The following SELENBP1 variants were observed in gnomAD, a reference collection of about 807,000 sequenced individuals.
The protein encoded by SELENBP1 is methanethiol oxidase.
Under a neutral mutation model 61.0 loss-of-function variants are expected in SELENBP1, and 71 were observed. That is an observed-to-expected ratio of 1.16 (90% CI 0.96 to 1.42). The LOEUF is 1.42. Among genes scored for constraint, SELENBP1 ranks in the 40% most tolerant of loss-of-function variants. SELENBP1 has a pLI of 0.00. For synonymous variants in SELENBP1, 270 were observed against 238.9 expected (o/e 1.13, Z -1.20); for missense variants, 561 against 605.0 (o/e 0.93, Z 0.76).
At chr1:151,367,919 G>A (rs538875180) in intron 5 of SELENBP1, among the ~76,000 whole-genome samples, 16 of 152,272 alleles carry the variant, frequency 1.1e-4, no homozygotes, top group African/African-American at 1.7e-4. Context: ...CGCTGGCCTC[G>A]GCCTCTTGAA....
chr1:151,367,805 G>A (rs1035671246), intron 5 of SELENBP1, among the ~76,000 whole-genome samples: 2 of 152,118 alleles, frequency 1.3e-5, no homozygotes, highest in Non-Finnish European at 2.9e-5. Context: ...TGTATTTTTA[G>A]TGCAGAGTTG....
In SELENBP1 at chr1:151,366,813, C is replaced by A; in HGVS notation, c.573G>T (p.Trp191Cys). The change falls in exon 6 of 12, where the codon TGG (tryptophan) becomes TGT (cysteine). Residue 191 changes from tryptophan (W) to cysteine (C), a missense_variant. Transcript: ENST00000368868. ...TCATGACATTGTGTCGAGGCTGGTA[C>A]CAGAAGTCATAGCCCAACGGTGCAG... ...GGAAPLGYDF[W>C]YQPRHNVMIS... 1 of 1,614,110 alleles carries A rather than the reference C, an allele frequency of 6.2e-7. No homozygotes were observed. The highest frequency in any genetic ancestry group is 8.5e-7 in the Non-Finnish European group (1 of 1,180,012).
chr1:151,366,066 C>T (rs1651798119), intron 7 of SELENBP1: 4 of 738,788 alleles, frequency 5.4e-6, no homozygotes, highest in South Asian at 5.3e-5. Context: ...CTAGCACAGA[C>T]ATTCACTAAG....
At chr1:151,364,829 T>C (rs1557841915) in intron 11 of SELENBP1, 97 bp downstream of exon 11, 1 of 1,484,144 alleles carries the variant, frequency 6.7e-7, no homozygotes, top group East Asian at 2.3e-5. Context: ...ATCTGTGTGG[T>C]GGGGTACAGG....
chr1:151,369,633 G>T (rs1191911372), intron 2 of SELENBP1, 79 bp from the exon 3 acceptor site: 11 of 1,546,300 alleles, frequency 7.1e-6, no homozygotes, highest in Admixed American at 2.0e-5. Context: ...GCCAGAGGGT[G>T]GGGGCTAGGT....
At chr1:151,369,884 C>A in intron 1 of SELENBP1, 115 bp from the exon 2 acceptor site, 1 of 1,550,316 alleles carries the variant, frequency 6.5e-7, no homozygotes, top group Non-Finnish European at 8.7e-7. Context: ...GGCCTAGGTC[C>A]CCACTCCAGC....
chr1:151,365,687 G>C lies in SELENBP1; in HGVS notation c.923-3C>G. 6.2e-7 allele frequency: 1 copy of C among 1,614,202 alleles called. No individual in the cohort carries two copies. The highest frequency in any genetic ancestry group is 8.5e-7 in the Non-Finnish European group (1 of 1,180,032). Reference sequence around the variant, plus strand: ...GAGCAGGATGTCGGTGATCAGGCCTGTGGGCAGGGGGCGAGTAGAGCCTTT... The same window carrying C: ...GAGCAGGATGTCGGTGATCAGGCCTCTGGGCAGGGGGCGAGTAGAGCCTTT... On this transcript the variant is annotated splice_polypyrimidine_tract_variant and splice_region_variant and intron_variant, in intron 8 of 11. Transcript: ENST00000368868.
In SELENBP1 at chr1:151,369,153, C is replaced by T. The variant is rs137966264; in HGVS notation, c.211G>A (p.Glu71Lys). 74 of 1,613,102 alleles carry T rather than the reference C, an allele frequency of 4.6e-5. No individual in the cohort carries two copies. The highest frequency in any genetic ancestry group is 9.3e-5 in the African/African-American group (7 of 74,920). Residue 71 changes from glutamate to lysine, a missense_variant, in exon 4 of 12, where the codon GAG (glutamate) becomes AAG (lysine). Coordinates refer to ENST00000368868, the MANE Select transcript of SELENBP1 (RefSeq NM_003944.4). ...GTGTTCCATCCTGAGTGATGCAGCTCGTCCTTCAGGTTGGGCATGGGCAGC... is the reference window on the plus strand; with the variant it reads ...GTGTTCCATCCTGAGTGATGCAGCTTGTCCTTCAGGTTGGGCATGGGCAGC... ...HRLPMPNLKDELHHSGWNTCS... is the reference protein window; with the variant it reads ...HRLPMPNLKDKLHHSGWNTCS...
intron 5 of SELENBP1, 49 bp from the exon 6 acceptor site, chr1:151,366,953 A>G: frequency 6.3e-7 from 1 of 1,592,890 alleles, no homozygotes; most frequent in Non-Finnish European, 8.6e-7. Context: ...TAGAGACACT[A>G]ACCCCACCCT....
Position 151,364,484 on chromosome 1 carries a change from G to C in SELENBP1, c.*59C>G, listed in dbSNP as rs1651687329. ...GGGTGCCAAGAGAGAGCAGAATGAA[G>C]CCAGGTCCCCAAGGAAGTGAGGGCC... On this transcript the variant is annotated 3_prime_UTR_variant, in exon 12 of 12. Coordinates refer to ENST00000368868, the MANE Select transcript of SELENBP1 (RefSeq NM_003944.4). 1.2e-6 allele frequency: 2 copies of C among 1,606,086 alleles called. No homozygotes were observed. The highest frequency in any genetic ancestry group is 1.7e-6 in the Non-Finnish European group (2 of 1,174,302).
chr1:151,367,943 A>G (rs1651940652), intron 5 of SELENBP1, among the ~76,000 whole-genome samples: 1 of 152,226 alleles, frequency 6.6e-6, no homozygotes, highest in African/African-American at 2.4e-5. Context: ...CTGGGATTAG[A>G]GGAGTGAGGC....
At chr1:151,372,330 C>T (rs1360889206) in intron 1 of SELENBP1, among the ~76,000 whole-genome samples, 2 of 152,184 alleles carry the variant, frequency 1.3e-5, no homozygotes, top group African/African-American at 4.8e-5. Context: ...TTTCTAAGAG[C>T]GCCCATCTGA....
intron 11 of SELENBP1, 93 bp downstream of exon 11, chr1:151,364,833 G>C: frequency 6.7e-7 from 1 of 1,498,316 alleles, no homozygotes. Context: ...GTGTGGTGGG[G>C]TACAGGGGTC....
chr1:151,369,150 G>A lies in SELENBP1; in HGVS notation c.214C>T (p.Leu72=), dbSNP rs1301084910. 7 of 1,613,372 alleles carry A rather than the reference G, an allele frequency of 4.3e-6. No individual in the cohort carries two copies. The highest frequency in any genetic ancestry group is 5.9e-6 in the Non-Finnish European group (7 of 1,179,430). Residue 72 remains leucine (L), a synonymous_variant, in exon 4 of 12, where the codon CTG becomes TTG. Transcript: ENST00000368868. ...RLPMPNLKDE[L]HHSGWNTCSS... ...CAGGTGTTCCATCCTGAGTGATGCA[G>A]CTCGTCCTTCAGGTTGGGCATGGGC...
At chr1:151,368,533 G>A (rs1490135179) in intron 4 of SELENBP1, among the ~76,000 whole-genome samples, 2 of 152,192 alleles carry the variant, frequency 1.3e-5, no homozygotes, top group Non-Finnish European at 1.5e-5. Context: ...AACTCCCCAG[G>A]CAGAAAGCGC....
rs1651766986 is a variant in SELENBP1, at chr1:151,365,573, AGGCG to A, written c.1030_1033del (p.Arg344SerfsTer25). On this transcript the variant is annotated frameshift_variant, in exon 9 of 12. Transcript: ENST00000368868. LOFTEE classifies it high-confidence loss of function. ...TGCCAGGGTCTCCACCTGTCCTGTGAGGCGGGGTCTCTGTGGGTCAGAGATGTCA... is the reference window on the plus strand; with the variant it reads ...TGCCAGGGTCTCCACCTGTCCTGTGAGGGTCTCTGTGGGTCAGAGATGTCA... The A allele has an allele frequency of 6.2e-7, 1 of 1,613,814 alleles. No individual in the cohort carries two copies.
At chr1:151,369,883 C>T (rs949926094) in intron 1 of SELENBP1, 114 bp from the exon 2 acceptor site, 26 of 1,550,366 alleles carry the variant, frequency 1.7e-5, no homozygotes, top group Non-Finnish European at 2.2e-5. Flanking sequence ...TGGCCTAGGT[C>T]CCCACTCCAG....
At position 151,364,963 on chromosome 1, in the gene SELENBP1, T is replaced by C. The variant is rs1651719459; in HGVS notation, c.1219A>G (p.Ser407Gly). 1.9e-6 allele frequency: 3 copies of C among 1,613,852 alleles called. No individual in the cohort carries two copies. The highest frequency in any genetic ancestry group is 2.5e-6 in the Non-Finnish European group (3 of 1,179,982). ...GGGTAAAACTGCTTGTCCCAGGCAC[T>C]GTACAGCGACGTGGTGATGTAGAGG... The part of the protein sequence containing the change: ...KRLYITTSLY[S>G]AWDKQFYPDL... The change falls in exon 11 of 12, where the codon AGT (serine) becomes GGT (glycine). Residue 407 changes from serine to glycine, a missense_variant. Coordinates refer to ENST00000368868, the MANE Select transcript of SELENBP1 (RefSeq NM_003944.4).
chr1:151,368,946 C>T, intron 4 of SELENBP1, 58 bp downstream of exon 4: 1 of 1,534,326 alleles, frequency 6.5e-7, no homozygotes, highest in Non-Finnish European at 8.9e-7. Context: ...TGCCCGTAGA[C>T]TACCTGGGGT....
Sources: gnomAD v4.1 joint callset for allele counts (sites outside exome capture counted in the v4.1 genomes callset) on GRCh38, gnomAD v4.1.1 for gene constraint, MANE v1.5 for transcripts, NCBI Gene and HGNC (gene_info 2026-07-23, HGNC 2026-07-21) for gene names.